Variants in ROBO1 observed in about 807,000 individuals in gnomAD.
ROBO1 encodes the protein roundabout guidance receptor 1, also known as roundabout homolog 1.
In ROBO1, 149 loss-of-function variants were observed where a neutral mutation model predicts 195.9. That is an observed-to-expected ratio of 0.76 (90% CI 0.67 to 0.87). ROBO1 has a LOEUF of 0.87. Ranked by LOEUF, ROBO1 falls within the 40% of genes least tolerant of loss-of-function variation. ROBO1 has a pLI of 0.00. For synonymous variants in ROBO1, 816 were observed against 733.2 expected (o/e 1.11, Z -1.82); for missense variants, 1,933 against 2,068.3 (o/e 0.93, Z 1.27).
At chr3:79,656,764 G>A (rs1946176668) in intron 1 of ROBO1, among the ~76,000 whole-genome samples, 1 of 151,934 alleles carries the variant, frequency 6.6e-6, no homozygotes, top group Non-Finnish European at 1.5e-5. Flanking sequence ...GAGCATGGTG[G>A]CACATGCCTG....
intron 4 of ROBO1, among the ~76,000 whole-genome samples, chr3:78,754,010 T>C (rs1259493476): frequency 6.6e-6 from 1 of 152,196 alleles, no homozygotes; most frequent in Non-Finnish European, 1.5e-5. Context: ...GAAACAGAAG[T>C]CTAGAATGTC....
chr3:78,870,272 C>T (rs1405496669), intron 4 of ROBO1, among the ~76,000 whole-genome samples: 2 of 152,080 alleles, frequency 1.3e-5, no homozygotes, highest in Admixed American at 6.6e-5. Context: ...GACAGAATAC[C>T]GTAATGAAGT....
intron 2 of ROBO1, among the ~76,000 whole-genome samples, chr3:79,489,567 A>C (rs2107440159): frequency 6.6e-6 from 1 of 151,702 alleles, no homozygotes; most frequent in East Asian, 1.9e-4. Flanking sequence ...AGGCAGGAGA[A>C]TCGCTTGAAC....
intron 2 of ROBO1, among the ~76,000 whole-genome samples, chr3:79,522,207 A>G (rs1941238457): frequency 6.6e-6 from 1 of 152,128 alleles, no homozygotes; most frequent in South Asian, 2.1e-4. Context: ...GCTACAATGG[A>G]ACCCAAACTT....
chr3:79,651,364 G>C (rs1403891786), intron 1 of ROBO1, among the ~76,000 whole-genome samples: 2 of 152,052 alleles, frequency 1.3e-5, no homozygotes, highest in Admixed American at 1.3e-4. Context: ...ATATTTTTCT[G>C]TGTATTTTTT....
At chr3:78,824,426 G>T (rs1464896351) in intron 4 of ROBO1, among the ~76,000 whole-genome samples, 1 of 152,116 alleles carries the variant, frequency 6.6e-6, no homozygotes, top group Non-Finnish European at 1.5e-5. Flanking sequence ...TTCATTGTTT[G>T]TGATTTTTGC....
At chr3:79,570,616 GAC>G (rs1943247773) in intron 2 of ROBO1, among the ~76,000 whole-genome samples, 1 of 151,978 alleles carries the variant, frequency 6.6e-6, no homozygotes, top group South Asian at 2.1e-4. Flanking sequence ...ATAGTAGAAA[GAC>G]AAAAATGCAA....
chr3:78,716,022 A>C (rs2081894045), intron 7 of ROBO1, among the ~76,000 whole-genome samples: 1 of 152,192 alleles, frequency 6.6e-6, no homozygotes, highest in South Asian at 2.1e-4. Context: ...CATTCAAAGG[A>C]GATGACATTC....
At chr3:78,820,178 G>A (rs1488734575) in intron 4 of ROBO1, among the ~76,000 whole-genome samples, 1 of 152,158 alleles carries the variant, frequency 6.6e-6, no homozygotes, top group Non-Finnish European at 1.5e-5. Context: ...ATTTCTTTAA[G>A]ACAGAGAACA....
At chr3:78,954,129 G>T (rs13321050) in intron 3 of ROBO1, among the ~76,000 whole-genome samples, 1 of 151,482 alleles carries the variant, frequency 6.6e-6, no homozygotes, top group Admixed American at 6.6e-5. Flanking sequence ...AATTCCAGCA[G>T]AGCATCTTTC....
intron 3 of ROBO1, among the ~76,000 whole-genome samples, chr3:79,026,405 G>T (rs919586118): frequency 8.6e-5 from 13 of 151,964 alleles, no homozygotes; most frequent in Admixed American, 5.2e-4. Context: ...GTATGTTTTG[G>T]TTTTTGTGTG....
chr3:78,887,387 C>T (rs1396967039), intron 4 of ROBO1, among the ~76,000 whole-genome samples: 3 of 152,078 alleles, frequency 2.0e-5, no homozygotes, highest in African/African-American at 4.8e-5. Context: ...TATAAAGTTG[C>T]ATGCACATGT....
At chr3:79,345,039 A>T (rs1310388701) in intron 2 of ROBO1, among the ~76,000 whole-genome samples, 1 of 152,186 alleles carries the variant, frequency 6.6e-6, no homozygotes, top group Non-Finnish European at 1.5e-5. Flanking sequence ...TCTTTCCTTT[A>T]GAAACTACAC....
At chr3:78,712,831 A>G (rs2081797133) in intron 8 of ROBO1, among the ~76,000 whole-genome samples, 1 of 152,200 alleles carries the variant, frequency 6.6e-6, no homozygotes. Context: ...TTCAATGTCT[A>G]CTGTATACAC....
At chr3:79,008,860 A>AT (rs1326869520) in intron 3 of ROBO1, among the ~76,000 whole-genome samples, 2 of 146,724 alleles carry the variant, frequency 1.4e-5, no homozygotes, top group Non-Finnish European at 3.0e-5. Flanking sequence ...AAGTACTAAG[A>AT]TTACAGGCAT....
chr3:79,092,924 T>C (rs1425964572), intron 3 of ROBO1, among the ~76,000 whole-genome samples: 1 of 152,176 alleles, frequency 6.6e-6, no homozygotes, highest in African/African-American at 2.4e-5. Flanking sequence ...TAAAACAAAA[T>C]TTAACAATTA....
chr3:79,277,140 T>A (rs974929109), intron 2 of ROBO1, among the ~76,000 whole-genome samples: 11 of 151,868 alleles, frequency 7.2e-5, no homozygotes, highest in Admixed American at 6.6e-5. Flanking sequence ...AGAAAAAAAA[T>A]TTGTATATTG....
At chr3:79,143,716 C>T (rs2080583939) in intron 2 of ROBO1, among the ~76,000 whole-genome samples, 1 of 151,916 alleles carries the variant, frequency 6.6e-6, no homozygotes, top group African/African-American at 2.4e-5. Context: ...TACCTCGTTT[C>T]CTCCAGTGGT....
intron 4 of ROBO1, among the ~76,000 whole-genome samples, chr3:78,918,154 A>G: frequency 6.6e-6 from 1 of 152,230 alleles, no homozygotes; most frequent in East Asian, 1.9e-4. Context: ...TCAACTATTT[A>G]AAGAACACAT....
Sources: allele counts gnomAD v4.1 joint callset (sites outside exome capture counted in the v4.1 genomes callset), GRCh38; gene constraint gnomAD v4.1.1; transcripts MANE v1.5; gene names NCBI Gene and HGNC (gene_info 2026-07-23, HGNC 2026-07-21).